The following LAMA4 variants were observed in gnomAD, a reference collection of about 807,000 sequenced individuals.
LAMA4 encodes laminin subunit alpha 4.
Under a neutral mutation model 207.1 loss-of-function variants are expected in LAMA4, and 127 were observed. The observed-to-expected ratio is 0.61, with a 90% CI of 0.53 to 0.71. The LOEUF (loss-of-function observed/expected upper bound fraction) is 0.71. Among genes scored for constraint, LAMA4 ranks in the 30% least tolerant of loss-of-function variants. LAMA4 has a pLI of 0.00. For synonymous variants in LAMA4, 761 were observed against 816.0 expected (o/e 0.93, Z 1.15); for missense variants, 2,093 against 2,246.5 (o/e 0.93, Z 1.38).
chr6:112,207,537 CCAAA>C (rs1230551865), intron 3 of LAMA4, among the ~76,000 whole-genome samples: 3 of 150,996 alleles, frequency 2.0e-5, no homozygotes, highest in Non-Finnish European at 2.9e-5. Context: ...AACCAACCAA[CCAAA>C]CAAACAAACA....
At chr6:112,231,241 C>T (rs957247375) in intron 2 of LAMA4, among the ~76,000 whole-genome samples, 2 of 152,088 alleles carry the variant, frequency 1.3e-5, no homozygotes, top group Admixed American at 6.6e-5. Flanking sequence ...GGTCTTAATA[C>T]CACTCCCCAG....
In LAMA4 at chr6:112,117,837, A is replaced by C. The variant is rs145001856; in HGVS notation, c.4883T>G (p.Ile1628Ser). The change falls in exon 35 of 39, where the codon ATC (isoleucine) becomes AGC (serine). Residue 1628 changes from isoleucine (I) to serine (S), a missense_variant. Ile to Ser is a moderately radical substitution (Grantham distance 142, BLOSUM62 -2). This residue lies in a region of LAMA4 where 383 missense variants were observed against 437.8 expected (regional missense o/e 0.87). Coordinates refer to ENST00000230538, the MANE Select transcript of LAMA4 (RefSeq NM_001105206.3). The surrounding 1 kb of genome is among the most constrained non-coding windows in gnomAD (Gnocchi z 4.5). ...ACTGAATGTCTGAGAAGCAGAGGTG[A>C]TGGAGGCCCCATTGAGCTGGAGATT... ...LSNLQLNGASITSASQTFSVT... is the reference protein window; with the variant it reads ...LSNLQLNGASSTSASQTFSVT... 2.5e-6 allele frequency: 4 copies of C among 1,613,602 alleles called. No homozygotes were observed. The African/African-American group carries it at 5.3e-5, about 22-fold the overall frequency.
rs532324223 is a variant in LAMA4, at chr6:112,253,680, G to C, written c.195+276C>G. 38 of 1,503,578 alleles carry C rather than the reference G, an allele frequency of 2.5e-5. No homozygotes were observed. The East Asian group carries it at 8.1e-4, about 32-fold the overall frequency. The allele number at this position is 1,503,578 out of a possible 1,614,324, so 93.1% of individuals were successfully genotyped here. ...TCACCGATGTGCTGCTGCAGTCCCC[G>C]GTGAGAGTCTAGCGGATGAACTCAG... On this transcript the variant is annotated intron_variant, in intron 2 of 38. Coordinates refer to ENST00000230538, the MANE Select transcript of LAMA4 (RefSeq NM_001105206.3).
rs1554334990 is a variant in LAMA4, at chr6:112,148,276, G to A, written c.2234C>T (p.Thr745Met). 6.8e-6 allele frequency: 11 copies of A among 1,614,148 alleles called. No individual in the cohort carries two copies. Among genetic ancestry groups the A allele is most frequent in the East Asian group, 2.2e-5 (1 of 44,856 alleles). The change falls in exon 18 of 39, where the codon ACG becomes ATG. Residue 745 changes from threonine (T) to methionine (M), a missense_variant. By Grantham distance (81) the Thr-to-Met change is moderately conservative (BLOSUM62 -1). This residue lies in a region of LAMA4 where 1,704 missense variants were observed against 1,788.4 expected (regional missense o/e 0.95). Transcript: ENST00000230538. The part of the protein sequence containing the change: ...RLITEEANRT[T>M]MEVQQATAPM... ...GGCAGTGGCCTGCTGCACCTCCATC[G>A]TCGTCCTGTTGGCTTCCTCGGTGAT...
intron 6 of LAMA4, among the ~76,000 whole-genome samples, chr6:112,191,147 A>C: frequency 6.6e-6 from 1 of 151,566 alleles, no homozygotes; most frequent in Non-Finnish European, 1.5e-5. Context: ...ATGCCCAGCT[A>C]ATTTTTGTAT....
At chr6:112,226,998 G>A (rs1364206351) in intron 2 of LAMA4, among the ~76,000 whole-genome samples, 1 of 151,982 alleles carries the variant, frequency 6.6e-6, no homozygotes, top group African/African-American at 2.4e-5. Context: ...TAAGGGTAAA[G>A]GAGTGGGGAT....
chr6:112,186,939 C>G (rs1554346859), intron 8 of LAMA4: 1 of 450,138 alleles, frequency 2.2e-6, no homozygotes, highest in African/African-American at 2.0e-5. Flanking sequence ...GTGTGAATGT[C>G]TGCGTTTGAC....
intron 2 of LAMA4, among the ~76,000 whole-genome samples, chr6:112,232,573 T>C (rs1435079615): frequency 1.3e-5 from 2 of 152,232 alleles, no homozygotes; most frequent in Non-Finnish European, 2.9e-5. Context: ...TGGAGGATAG[T>C]TTCAGAATTG....
At chr6:112,253,862 A>T in intron 2 of LAMA4, 94 bp downstream of exon 2, 1 of 1,614,202 alleles carries the variant, frequency 6.2e-7, no homozygotes, top group Non-Finnish European at 8.5e-7. Context: ...CACTGGGGAG[A>T]GGAAAGAGGC....
chr6:112,144,693 A>G lies in LAMA4; in HGVS notation c.2493+101T>C, dbSNP rs1779910984. On this transcript the variant is annotated intron_variant, in intron 19 of 38. Coordinates refer to ENST00000230538, the MANE Select transcript of LAMA4 (RefSeq NM_001105206.3). ...GCTGAGAACTACTGAGTTGGAGAAT[A>G]CAGCAGAAAGGTCCAGGCTCTGGAA... The G allele has an allele frequency of 4.5e-6, 6 of 1,344,488 alleles. 1 individual carries two copies. The South Asian group carries it at 7.0e-5, about 16-fold the overall frequency. 83.3% of individuals were successfully genotyped at this position (1,344,488 alleles called of 1,614,324 possible).
intron 12 of LAMA4, among the ~76,000 whole-genome samples, chr6:112,169,173 CA>C (rs1554341035): frequency 6.6e-6 from 1 of 152,086 alleles, no homozygotes; most frequent in Non-Finnish European, 1.5e-5. Context: ...GCAGTAATCT[CA>C]AGGGGAGAGA....
intron 12 of LAMA4, among the ~76,000 whole-genome samples, chr6:112,166,919 C>T (rs1188758650): frequency 1.3e-5 from 2 of 152,090 alleles, no homozygotes; most frequent in Non-Finnish European, 2.9e-5. Context: ...GCAACAGCAA[C>T]AAAAACAACA....
chr6:112,252,256 T>C (rs1787514680), intron 2 of LAMA4, among the ~76,000 whole-genome samples: 1 of 152,238 alleles, frequency 6.6e-6, no homozygotes, highest in African/African-American at 2.4e-5. Flanking sequence ...GTCAAAGAGC[T>C]TGAAATTTCA....
intron 12 of LAMA4, among the ~76,000 whole-genome samples, chr6:112,170,826 G>T (rs917362840): frequency 6.6e-6 from 1 of 152,212 alleles, no homozygotes. Flanking sequence ...GGAGTATAGG[G>T]TAGGTCTCCT....
In LAMA4 at chr6:112,129,833, A is replaced by G. The variant is rs186779570; in HGVS notation, c.4133+43T>C. On this transcript the variant is annotated intron_variant, in intron 30 of 38. Transcript: ENST00000230538. ...ATATTTTTGCTGTTGTCTTGATTTT[A>G]TTTATCAATCATGCAGATTCATTAA... The G allele has an allele frequency of 4.8e-4, 675 of 1,420,932 alleles. 1 individual carries two copies. Among genetic ancestry groups the G allele is most frequent in the Non-Finnish European group, 6.2e-4 (639 of 1,033,458 alleles). 88.0% of individuals were successfully genotyped at this position (1,420,932 alleles called of 1,614,324 possible).
rs1455252418 is a variant in LAMA4 at position 112,240,096 on chromosome 6, T to C, written c.195+13860A>G. ...AAGTCTGACTTTTGAATCCTTTTCA[T>C]TGTTAAATTTCCTTTCTTTTTCTAT... is the stretch of plus-strand genomic sequence containing the variant. On this transcript the variant is annotated intron_variant, in intron 2 of 38. Coordinates refer to ENST00000230538, the MANE Select transcript of LAMA4 (RefSeq NM_001105206.3). Among the ~76,000 whole-genome samples, 3 of 152,286 alleles carry C rather than the reference T, an allele frequency of 2.0e-5. 1 individual carries two copies. Among genetic ancestry groups the C allele is most frequent in the East Asian group, 3.9e-4 (2 of 5,180 alleles).
intron 9 of LAMA4, chr6:112,178,839 G>C (rs1394570651): frequency 6.5e-6 from 1 of 152,866 alleles, no homozygotes; most frequent in Non-Finnish European, 1.5e-5. Context: ...TCAAGTTGCT[G>C]GACTAGAAAA....
At chr6:112,251,535 C>G (rs1351984250) in intron 2 of LAMA4, 1 of 152,268 alleles carries the variant, frequency 6.6e-6, no homozygotes, top group African/African-American at 2.4e-5. Context: ...CCCATCCACA[C>G]ATTGAACCTC....
chr6:112,209,437 G>A (rs906514630), intron 3 of LAMA4, among the ~76,000 whole-genome samples: 2 of 152,284 alleles, frequency 1.3e-5, no homozygotes, highest in South Asian at 4.1e-4. Context: ...AATTTCTTTT[G>A]CCCTCTAACT....
Sources: allele counts gnomAD v4.1 joint callset (sites outside exome capture counted in the v4.1 genomes callset), GRCh38; gene constraint gnomAD v4.1.1; regional missense constraint gnomAD v4.1.1; non-coding constraint Gnocchi (gnomAD v3.1); transcripts MANE v1.5; gene names NCBI Gene and HGNC (gene_info 2026-07-23, HGNC 2026-07-21).